Variants in CCDC171 observed in about 807,000 individuals in gnomAD.
CCDC171 encodes coiled-coil domain-containing protein 171.
A neutral mutation model predicts 168.2 loss-of-function variants in CCDC171; 177 were observed. That is an observed-to-expected ratio of 1.05 (90% CI 0.93 to 1.19). The LOEUF (loss-of-function observed/expected upper bound fraction) is 1.19, where lower values mean the gene tolerates loss of function less well. CCDC171 is among the 50% of genes most tolerant of loss of function. The pLI is 0.00. For synonymous variants in CCDC171, 687 were observed against 540.8 expected, an observed-to-expected ratio of 1.27 and a Z score of -3.75; for missense variants, 1,991 against 1,539.0, an observed-to-expected ratio of 1.29 and a Z score of -4.91.
chr9:15,597,559 G>A (rs1271229222), intron 6 of CCDC171, among the ~76,000 whole-genome samples: 2 of 152,104 alleles, frequency 1.3e-5, no homozygotes, highest in Non-Finnish European at 2.9e-5. Flanking sequence ...GTATTTTTTT[G>A]AGGATTTTTG....
chr9:15,606,055 A>G (rs2043205957), intron 6 of CCDC171, among the ~76,000 whole-genome samples: 1 of 152,182 alleles, frequency 6.6e-6, no homozygotes, highest in African/African-American at 2.4e-5. Context: ...AGGCGCAGTA[A>G]GAGATTAACG....
At chr9:15,755,123 T>TTTCCTGGG (rs2134950067) in intron 18 of CCDC171, among the ~76,000 whole-genome samples, 1 of 152,258 alleles carries the variant, frequency 6.6e-6, no homozygotes, top group African/African-American at 2.4e-5. Flanking sequence ...CTTAATCAAA[T>TTTCCTGGG]AGGAATTTTT....
intron 21 of CCDC171, among the ~76,000 whole-genome samples, chr9:15,831,346 A>T (rs1191567582): frequency 6.6e-6 from 1 of 152,186 alleles, no homozygotes; most frequent in African/African-American, 2.4e-5. Flanking sequence ...ATAAAATGCA[A>T]ACAAAGCTAA....
At chr9:15,651,325 T>C (rs925600312) in intron 7 of CCDC171, among the ~76,000 whole-genome samples, 1 of 152,092 alleles carries the variant, frequency 6.6e-6, no homozygotes, top group Non-Finnish European at 1.5e-5. Context: ...GCCAGCCTGG[T>C]CTTGAACTCC....
chr9:15,651,836 G>T (rs1014252844), intron 7 of CCDC171, among the ~76,000 whole-genome samples: 1 of 145,780 alleles, frequency 6.9e-6, no homozygotes, highest in South Asian at 2.1e-4. Flanking sequence ...TTGTTTGTTT[G>T]TTTGTTTGTT....
chr9:15,669,567 G>T (rs1487986829), intron 9 of CCDC171, among the ~76,000 whole-genome samples: 1 of 152,050 alleles, frequency 6.6e-6, no homozygotes. Context: ...ACTAGATCCT[G>T]TTCCTTCCAT....
chr9:15,770,224 G>C (rs1188837016), intron 18 of CCDC171, among the ~76,000 whole-genome samples: 1 of 152,072 alleles, frequency 6.6e-6, no homozygotes, highest in African/African-American at 2.4e-5. Flanking sequence ...ATGATGCCTT[G>C]TTGAAGACCA....
chr9:15,737,600 T>A (rs2054583047), intron 16 of CCDC171, among the ~76,000 whole-genome samples: 2 of 152,186 alleles, frequency 1.3e-5, no homozygotes, highest in South Asian at 4.1e-4. Context: ...AGTCTTCCGA[T>A]AAAAAGAACT....
intron 3 of CCDC171, among the ~76,000 whole-genome samples, chr9:15,998,985 C>T (rs754455675): frequency 5.9e-5 from 9 of 152,058 alleles, no homozygotes; most frequent in Non-Finnish European, 1.3e-4. Flanking sequence ...TTTATTTTGA[C>T]ACTCTATTTC....
chr9:15,720,370 T>C (rs1431387918), intron 11 of CCDC171, among the ~76,000 whole-genome samples: 1 of 152,168 alleles, frequency 6.6e-6, no homozygotes, highest in African/African-American at 2.4e-5. Context: ...CTTTCTCTTA[T>C]TAAACCTTAA....
chr9:15,762,924 G>A (rs2056531731), intron 18 of CCDC171, among the ~76,000 whole-genome samples: 1 of 152,076 alleles, frequency 6.6e-6, no homozygotes, highest in Non-Finnish European at 1.5e-5. Context: ...AACTGCACAG[G>A]TGGAGGGAAC....
chr9:15,937,435 A>G (rs935335551), intron 25 of CCDC171, among the ~76,000 whole-genome samples: 3 of 152,012 alleles, frequency 2.0e-5, no homozygotes, highest in African/African-American at 4.8e-5. Flanking sequence ...AGTTGTAATA[A>G]TTAGATGATT....
chr9:15,742,745 C>G (rs918086053), intron 16 of CCDC171, among the ~76,000 whole-genome samples: 2 of 152,152 alleles, frequency 1.3e-5, no homozygotes, highest in East Asian at 1.9e-4. Context: ...TTATACCATG[C>G]TAGTTGATTT....
intron 7 of CCDC171, among the ~76,000 whole-genome samples, chr9:15,630,052 G>A (rs577072522): frequency 1.3e-3 from 204 of 152,228 alleles, no homozygotes; most frequent in African/African-American, 4.6e-3. Context: ...AGGAACAACC[G>A]GTACCAGCCA....
chr9:15,635,656 A>G (rs1446902470), intron 7 of CCDC171, among the ~76,000 whole-genome samples: 1 of 152,172 alleles, frequency 6.6e-6, no homozygotes, highest in Non-Finnish European at 1.5e-5. Flanking sequence ...ACCTAGGAAC[A>G]TTACATCCTT....
At chr9:15,569,712 G>C (rs1044015138) in intron 2 of CCDC171, among the ~76,000 whole-genome samples, 1 of 151,680 alleles carries the variant, frequency 6.6e-6, no homozygotes, top group African/African-American at 2.4e-5. Context: ...CTGCTCGGGA[G>C]GCTGAGGCAG....
intron 25 of CCDC171, among the ~76,000 whole-genome samples, chr9:15,962,067 C>A (rs1029023315): frequency 6.6e-6 from 1 of 152,110 alleles, no homozygotes; most frequent in Non-Finnish European, 1.5e-5. Context: ...ATGTGAAATT[C>A]AGATTTCACT....
chr9:15,915,862 G>C (rs1824428806), intron 24 of CCDC171, among the ~76,000 whole-genome samples: 1 of 152,042 alleles, frequency 6.6e-6, no homozygotes, highest in African/African-American at 2.4e-5. Context: ...TGCATCTATT[G>C]AGATGATCTT....
In CCDC171 at chr9:15,607,523, G is replaced by A. The variant is rs11791177; in HGVS notation, c.675+13351G>A. 4.6e-5 allele frequency among the ~76,000 whole-genome samples: 7 copies of A among 151,834 alleles called. No homozygotes were observed. In the East Asian group the frequency reaches 9.7e-4, roughly 21 times the overall value. ...GTCACCCAGGCTGGAGTGCAGTGGC[G>A]CGATCTTGGTTCACTGCAACCTCTG... On this transcript the variant is annotated intron_variant, in intron 6 of 25. Transcript: ENST00000380701.
Sources: gnomAD v4.1 joint callset for allele counts (sites outside exome capture counted in the v4.1 genomes callset) on GRCh38, gnomAD v4.1.1 for gene constraint, MANE v1.5 for transcripts, NCBI Gene and HGNC (gene_info 2026-07-23, HGNC 2026-07-21) for gene names.